The following RAPGEF1 variants were observed in gnomAD, a reference collection of about 807,000 sequenced individuals.
The protein encoded by RAPGEF1 is Rap guanine nucleotide exchange factor 1, also known as CRK SH3-binding GNRP.
RAPGEF1 carries 33 observed loss-of-function variants against 143.3 expected under a neutral mutation model. That is an observed-to-expected ratio of 0.23 (90% CI 0.17 to 0.31). RAPGEF1 has a LOEUF of 0.31. Among genes scored for constraint, RAPGEF1 ranks in the 10% least tolerant of loss-of-function variants. The pLI, the probability that RAPGEF1 is intolerant of heterozygous loss-of-function variation, is 1.00. For synonymous variants in RAPGEF1, 629 were observed against 676.5 expected (o/e 0.93, Z 1.09); for missense variants, 1,199 against 1,645.4 (o/e 0.73, Z 4.69).
chr9:131,640,551 G>A (rs1967620774), intron 4 of RAPGEF1, among the ~76,000 whole-genome samples: 2 of 152,206 alleles, frequency 1.3e-5, no homozygotes, highest in Admixed American at 1.3e-4. Context: ...AGGCCCAGCT[G>A]CTGGCTCAGT....
At chr9:131,738,494 GAA>G (rs1837558492) in intron 1 of RAPGEF1, among the ~76,000 whole-genome samples, 1 of 152,240 alleles carries the variant, frequency 6.6e-6, no homozygotes, top group African/African-American at 2.4e-5. Context: ...AATGGCACCT[GAA>G]CCCAAGCGCC....
intron 1 of RAPGEF1, among the ~76,000 whole-genome samples, chr9:131,724,378 G>A (rs1836492334): frequency 6.6e-6 from 1 of 152,180 alleles, no homozygotes; most frequent in South Asian, 2.1e-4. Context: ...GGTGGATCAC[G>A]AGGCCAGGAG....
intron 9 of RAPGEF1, 79 bp from the exon 10 acceptor site, chr9:131,626,501 C>G (rs781323906): frequency 9.0e-5 from 128 of 1,425,838 alleles, no homozygotes; most frequent in Non-Finnish European, 1.1e-4. Context: ...GCCCGCCTCT[C>G]GCCGGCTCGC....
At chr9:131,605,465 A>T (rs535722314) in intron 12 of RAPGEF1, among the ~76,000 whole-genome samples, 1 of 152,294 alleles carries the variant, frequency 6.6e-6, no homozygotes, top group South Asian at 2.1e-4. Flanking sequence ...AAGTGGCCAC[A>T]TGCTCTGCTG....
At chr9:131,692,239 A>C (rs1833832476) in intron 1 of RAPGEF1, among the ~76,000 whole-genome samples, 2 of 152,244 alleles carry the variant, frequency 1.3e-5, no homozygotes, top group South Asian at 4.1e-4. Context: ...TTGCAAAAAA[A>C]TTCACCTCGC....
At chr9:131,618,477 C>T (rs537963875) in intron 12 of RAPGEF1, among the ~76,000 whole-genome samples, 1 of 152,358 alleles carries the variant, frequency 6.6e-6, no homozygotes, top group South Asian at 2.1e-4. Flanking sequence ...CAAACTAATA[C>T]ATCCCTGAGA....
At chr9:131,638,888 A>G in intron 4 of RAPGEF1, 97 bp from the exon 5 acceptor site, 1 of 1,313,280 alleles carries the variant, frequency 7.6e-7, no homozygotes, top group Non-Finnish European at 1.0e-6. Context: ...TGTTTCTCCA[A>G]CTTTCTTTGT....
chr9:131,585,413 T>C (rs1952557367), intron 22 of RAPGEF1, among the ~76,000 whole-genome samples: 1 of 152,082 alleles, frequency 6.6e-6, no homozygotes, highest in Non-Finnish European at 1.5e-5. Flanking sequence ...ACTCCTGCGC[T>C]CAAGTGACCC....
chr9:131,739,671 A>T (rs1317865604), intron 1 of RAPGEF1, 99 bp downstream of exon 1: 4 of 892,568 alleles, frequency 4.5e-6, no homozygotes, highest in Non-Finnish European at 5.4e-6. Flanking sequence ...CGGCGCACGG[A>T]GGGCCGCACA....
intron 1 of RAPGEF1, among the ~76,000 whole-genome samples, chr9:131,708,969 G>C (rs1009830295): frequency 2.0e-5 from 3 of 152,228 alleles, no homozygotes; most frequent in African/African-American, 7.2e-5. Flanking sequence ...TTGACCTCAA[G>C]TGATCCGCCT....
chr9:131,596,157 G>T, intron 17 of RAPGEF1, 141 bp downstream of exon 17: 1 of 722,350 alleles, frequency 1.4e-6, no homozygotes, highest in Non-Finnish European at 2.4e-6. Context: ...GGCTCTCCCT[G>T]CTCTGACTCA....
At chr9:131,700,216 C>T (rs1038997004) in intron 1 of RAPGEF1, among the ~76,000 whole-genome samples, 3 of 152,204 alleles carry the variant, frequency 2.0e-5, no homozygotes, top group African/African-American at 7.2e-5. Flanking sequence ...CTTCATCTGC[C>T]ATGGGTCTCC....
At chr9:131,694,785 C>G (rs968308496) in intron 1 of RAPGEF1, among the ~76,000 whole-genome samples, 13 of 148,928 alleles carry the variant, frequency 8.7e-5, no homozygotes, top group South Asian at 6.4e-4. Context: ...GCACTCATCA[C>G]CTTCACACTT....
chr9:131,610,185 C>T (rs775571922), intron 12 of RAPGEF1, among the ~76,000 whole-genome samples: 4 of 152,192 alleles, frequency 2.6e-5, no homozygotes, highest in Non-Finnish European at 5.9e-5. Flanking sequence ...CGTGAGCCAT[C>T]GTGCCCAGCA....
At chr9:131,663,801 T>C (rs899821339) in intron 1 of RAPGEF1, among the ~76,000 whole-genome samples, 1 of 152,240 alleles carries the variant, frequency 6.6e-6, no homozygotes, top group African/African-American at 2.4e-5. Context: ...ATGATATAGT[T>C]TCTCCTTTGT....
chr9:131,663,626 G>GT (rs1007237152), intron 1 of RAPGEF1, among the ~76,000 whole-genome samples: 72 of 152,212 alleles, frequency 4.7e-4, no homozygotes, highest in Non-Finnish European at 7.5e-4. Flanking sequence ...GAGGTCCCCC[G>GT]TAAGTTGGAT....
At chr9:131,681,982 C>CT (rs1206982980) in intron 1 of RAPGEF1, among the ~76,000 whole-genome samples, 1 of 152,202 alleles carries the variant, frequency 6.6e-6, no homozygotes, top group East Asian at 1.9e-4. Flanking sequence ...TGCCAGGCTG[C>CT]TCTGCGACCT....
Position 131,627,986 on chromosome 9 carries a change from C to A in RAPGEF1, c.1128G>T (p.Lys376Asn). The A allele has an allele frequency of 6.3e-7, 1 of 1,593,044 alleles. No homozygotes were observed. The highest frequency in any genetic ancestry group is 2.3e-5 in the East Asian group (1 of 43,930). The change falls in exon 9 of 27, where the codon AAG becomes AAT. Residue 376 changes from lysine (K) to asparagine (N), a missense_variant. Lys to Asn is a moderately conservative substitution (Grantham distance 94, BLOSUM62 0). Transcript: ENST00000683357. The stretch of plus-strand genomic sequence containing the variant: ...CCAGAGAGGACAGCTGCTCGTCTGA[C>A]TTGCTGAGCTTGCCTATGCTGCTGC... ...SPCSSIGKLS[K>N]SDEQLSSLDR...
At chr9:131,709,966 C>G in intron 1 of RAPGEF1, 2 of 984,530 alleles carry the variant, frequency 2.0e-6, no homozygotes, top group Non-Finnish European at 2.4e-6. Context: ...GAAGCTCTTT[C>G]CTCAGCATCC....
Sources: gnomAD v4.1 joint callset for allele counts (sites outside exome capture counted in the v4.1 genomes callset) on GRCh38, gnomAD v4.1.1 for gene constraint, MANE v1.5 for transcripts, NCBI Gene and HGNC (gene_info 2026-07-23, HGNC 2026-07-21) for gene names.